SYK: variants seen among roughly 807,000 people sequenced by gnomAD.
SYK encodes spleen associated tyrosine kinase.
A neutral mutation model predicts 77.8 loss-of-function variants in SYK; 16 were observed. The ratio of observed to expected loss-of-function variants is 0.21; its 90% CI spans 0.14 to 0.31. SYK has a LOEUF of 0.31. SYK is among the 10% of genes least tolerant of loss of function. The pLI is 1.00. For missense variants in SYK, 529 were observed against 814.4 expected (o/e 0.65, Z 4.26); for synonymous variants, 312 against 308.7 (o/e 1.01, Z -0.11).
At chr9:90,857,532 T>C (rs1827088990) in intron 3 of SYK, among the ~76,000 whole-genome samples, 1 of 152,212 alleles carries the variant, frequency 6.6e-6, no homozygotes, top group South Asian at 2.1e-4. Flanking sequence ...AGATAGGGAT[T>C]GTGTACTGAT....
At chr9:90,835,722 T>C (rs1826052076) in intron 1 of SYK, among the ~76,000 whole-genome samples, 1 of 152,198 alleles carries the variant, frequency 6.6e-6, no homozygotes, top group Non-Finnish European at 1.5e-5. Flanking sequence ...CCAAGCTCCA[T>C]CTGAAGCAGC....
At chr9:90,803,588 G>A (rs1824694572) in intron 1 of SYK, among the ~76,000 whole-genome samples, 1 of 151,562 alleles carries the variant, frequency 6.6e-6, no homozygotes, top group Non-Finnish European at 1.5e-5. Context: ...TCTTTGTTAG[G>A]CCCCTATTTA....
chr9:90,871,165 A>C (rs1394813161), intron 7 of SYK, among the ~76,000 whole-genome samples: 7 of 152,246 alleles, frequency 4.6e-5, no homozygotes, highest in Non-Finnish European at 1.0e-4. Flanking sequence ...TATAAAATTT[A>C]AAGAAAAGTC....
At chr9:90,804,853 T>G (rs1824752985) in intron 1 of SYK, among the ~76,000 whole-genome samples, 1 of 152,206 alleles carries the variant, frequency 6.6e-6, no homozygotes, top group South Asian at 2.1e-4. Flanking sequence ...CTAGTCTGAT[T>G]GGATTTTAGG....
chr9:90,839,470 G>A (rs1826212599), intron 1 of SYK, among the ~76,000 whole-genome samples: 1 of 152,116 alleles, frequency 6.6e-6, no homozygotes, highest in South Asian at 2.1e-4. Flanking sequence ...TGTGCCTGGA[G>A]GTTGCTCCGG....
chr9:90,857,123 T>C (rs573831914), intron 3 of SYK, among the ~76,000 whole-genome samples: 1 of 152,366 alleles, frequency 6.6e-6, no homozygotes, highest in South Asian at 2.1e-4. Flanking sequence ...CAAAAGTGAA[T>C]TTGCGGCTTA....
rs896162219 is a variant in SYK at position 90,895,107 on chromosome 9, A to G, written c.1836-421A>G. ...AGATTATGAGTCAGATGTTGACTAT[A>G]TCTGCAGAACATTTGCCAAGTATTT... On this transcript the variant is annotated intron_variant, in intron 13 of 13. Transcript: ENST00000375754. This position sits in a 1 kb window ranked among gnomAD's most constrained non-coding sequence, Gnocchi z 4.4. Among the ~76,000 whole-genome samples, 5 of 152,394 alleles carry G rather than the reference A, an allele frequency of 3.3e-5. No individual in the cohort carries two copies. The highest frequency in any genetic ancestry group is 1.2e-4 in the African/African-American group (5 of 41,602).
At chr9:90,861,666 TG>T (rs72546528) in intron 3 of SYK, among the ~76,000 whole-genome samples, 39,759 of 146,918 alleles carry the variant, frequency 0.27, 5,972 homozygotes, top group East Asian at 0.45. Context: ...GCCCGGGGGA[TG>T]GAGGCTTCCA....
At chr9:90,825,669 G>A (rs1441729753) in intron 1 of SYK, among the ~76,000 whole-genome samples, 1 of 152,178 alleles carries the variant, frequency 6.6e-6, no homozygotes, top group Non-Finnish European at 1.5e-5. Flanking sequence ...AGGATTTTTA[G>A]CAGAGAAAAG....
At position 90,895,511 on chromosome 9, in the gene SYK, C is replaced by G; in HGVS notation, c.1836-17C>G. On this transcript the variant is annotated splice_polypyrimidine_tract_variant and intron_variant, in intron 13 of 13. Transcript: ENST00000375754. This position sits in a 1 kb window ranked among gnomAD's most constrained non-coding sequence, Gnocchi z 4.4. ...ACAAGCACATTGACAAACAAGAATG[C>G]ATCTCTTCCATTCCAGTGTGGAAAA... 2 of 1,613,482 alleles carry G rather than the reference C, an allele frequency of 1.2e-6. No homozygotes were observed. Among genetic ancestry groups the G allele is most frequent in the Non-Finnish European group, 1.7e-6 (2 of 1,179,622 alleles).
At position 90,840,727 on chromosome 9, in the gene SYK, A is replaced by G. The variant is rs184926694; in HGVS notation, c.-41-3131A>G. 5.3e-4 allele frequency among the ~76,000 whole-genome samples: 80 copies of G among 152,348 alleles called. 1 individual carries two copies. The highest frequency in any genetic ancestry group is 6.8e-3 in the Middle Eastern group (2 of 294). On this transcript the variant is annotated intron_variant, in intron 1 of 13. Coordinates refer to ENST00000375754, the MANE Select transcript of SYK (RefSeq NM_003177.7). ...TTTAAAAAACAAAAACACCTTGCTA[A>G]GAGATGAATTTTTAGAAACTTGTTG...
At chr9:90,840,795 G>C (rs762309997) in intron 1 of SYK, among the ~76,000 whole-genome samples, 28 of 152,208 alleles carry the variant, frequency 1.8e-4, no homozygotes, top group Non-Finnish European at 3.4e-4. Context: ...TGAGAGGCAA[G>C]CCAGGAAATG....
intron 11 of SYK, among the ~76,000 whole-genome samples, chr9:90,884,388 T>TACACACATACACATAC (rs1274110776): frequency 1.0e-5 from 1 of 96,132 alleles, no homozygotes; most frequent in Non-Finnish European, 2.3e-5. Flanking sequence ...CGTGTATATA[T>TACACACATACACATAC]GCATACATAC....
chr9:90,821,831 G>T (rs1211493038), intron 1 of SYK, among the ~76,000 whole-genome samples: 1 of 152,146 alleles, frequency 6.6e-6, no homozygotes, highest in African/African-American at 2.4e-5. Flanking sequence ...AGTGCTATCT[G>T]GTGTCCCTAG....
rs1448100122 is a variant in SYK at position 90,812,760 on chromosome 9, TGTGTGTGTGTGTGTGTGTGAGAGAGA to T, written c.-42+10869_-42+10894del. On this transcript the variant is annotated intron_variant, in intron 1 of 13. Transcript: ENST00000375754. ...TTTGATATGTGTGTGTGTGTGTGTG[TGTGTGTGTGTGTGTGTGTGAGAGAGA>T]GAGATTGAGAGAGAGAGGGCTCGTG... is the stretch of plus-strand genomic sequence containing the variant. Among the ~76,000 whole-genome samples, 285 of 89,444 alleles carry T rather than the reference TGTGTGTGTGTGTGTGTGTGAGAGAGA, an allele frequency of 3.2e-3. 2 individuals are homozygous for T. Among genetic ancestry groups the T allele is most frequent in the African/African-American group, 8.2e-3 (259 of 31,532 alleles). 58.7% of individuals were successfully genotyped at this position (89,444 alleles called of 152,430 possible). A position where few individuals can be genotyped will look rare whatever the true frequency, so the allele number is the denominator to read the frequency against.
At chr9:90,865,239 AGTGAGT>A in intron 6 of SYK, 142 bp downstream of exon 6, 1 of 818,022 alleles carries the variant, frequency 1.2e-6, no homozygotes, top group East Asian at 2.5e-5. Context: ...TGGGATTGCT[AGTGAGT>A]GTTAGGCAGA....
intron 12 of SYK, 66 bp downstream of exon 12, chr9:90,887,955 T>C: frequency 6.8e-7 from 1 of 1,462,886 alleles, no homozygotes. Context: ...CAGATTGTCT[T>C]TACAACAACC....
chr9:90,871,054 A>T (rs1361661101), intron 7 of SYK, among the ~76,000 whole-genome samples: 1 of 152,242 alleles, frequency 6.6e-6, no homozygotes, highest in African/African-American at 2.4e-5. Context: ...AATGCTTGTC[A>T]AATACATTTT....
rs200201593 is a variant in SYK, at chr9:90,845,603, C to T, written c.578+9C>T. On this transcript the variant is annotated intron_variant, in intron 3 of 13. Coordinates refer to ENST00000375754, the MANE Select transcript of SYK (RefSeq NM_003177.7). ...ACAAATGGAAAGTTCCTGTGAGTAT[C>T]GTGCCTTCCCCCTCACCTCCTGCCA... 3.7e-6 allele frequency: 6 copies of T among 1,612,464 alleles called. No individual in the cohort carries two copies. The highest frequency in any genetic ancestry group is 2.2e-5 in the East Asian group (1 of 44,856).
Sources: allele counts gnomAD v4.1 joint callset (sites outside exome capture counted in the v4.1 genomes callset), GRCh38; gene constraint gnomAD v4.1.1; non-coding constraint Gnocchi (gnomAD v3.1); transcripts MANE v1.5; gene names NCBI Gene and HGNC (gene_info 2026-07-23, HGNC 2026-07-21).